Variants in XPR1 observed in about 807,000 individuals in gnomAD.
XPR1 encodes solute carrier family 53 member 1.
A neutral mutation model predicts 87.5 loss-of-function variants in XPR1; 28 were observed. The ratio of observed to expected loss-of-function variants is 0.32; its 90% CI spans 0.24 to 0.44. The LOEUF is 0.44. Among genes scored for constraint, XPR1 ranks in the 20% least tolerant of loss-of-function variants. The pLI is 1.00. For missense variants in XPR1, 559 were observed against 862.3 expected (o/e 0.65, Z 4.41); for synonymous variants, 300 against 306.1 (o/e 0.98, Z 0.21).
At position 180,659,665 on chromosome 1, in the gene XPR1, C is replaced by T. The variant is rs1378255477; in HGVS notation, c.70-22695C>T. Reference sequence around the variant, plus strand: ...TCCCGAGTAGCTGGGATTACAGGCACCTGCCACCATGCCTGGCTAATTTTT... The same window carrying T: ...TCCCGAGTAGCTGGGATTACAGGCATCTGCCACCATGCCTGGCTAATTTTT... On this transcript the variant is annotated intron_variant, in intron 1 of 14. Transcript: ENST00000367590. Among the ~76,000 whole-genome samples, 16 of 145,984 alleles carry T rather than the reference C, an allele frequency of 1.1e-4. 1 individual carries two copies. The Admixed American group carries it at 1.2e-3, about 10-fold the overall frequency.
intron 1 of XPR1, among the ~76,000 whole-genome samples, chr1:180,646,239 C>A (rs1655116072): frequency 6.6e-6 from 1 of 152,202 alleles, no homozygotes; most frequent in Non-Finnish European, 1.5e-5. Flanking sequence ...AAGGTCATGA[C>A]AAACGTCCTT....
At position 180,797,268 on chromosome 1, in the gene XPR1, A is replaced by G. The variant is rs1264210031; in HGVS notation, c.224-6120A>G. On this transcript the variant is annotated intron_variant, in intron 3 of 14. Coordinates refer to ENST00000367590, the MANE Select transcript of XPR1 (RefSeq NM_004736.4). ...AGTTCAGTCAGTCAGTGAAGCAAAC[A>G]TAAACAAAGAATTATATGCAGTGTG... 3.9e-5 allele frequency among the ~76,000 whole-genome samples: 6 copies of G among 152,360 alleles called. No homozygotes were observed. The East Asian group carries it at 9.6e-4, about 24-fold the overall frequency.
At chr1:180,726,934 G>T (rs1658373334) in intron 2 of XPR1, among the ~76,000 whole-genome samples, 1 of 151,612 alleles carries the variant, frequency 6.6e-6, no homozygotes, top group African/African-American at 2.4e-5. Context: ...GAGTGCAGTG[G>T]CGCGTTGTCG....
intron 2 of XPR1, among the ~76,000 whole-genome samples, chr1:180,736,387 C>T (rs1275789032): frequency 6.6e-6 from 1 of 152,132 alleles, no homozygotes; most frequent in African/African-American, 2.4e-5. Context: ...TTTGGAAGGT[C>T]AGCATTAGCA....
intron 3 of XPR1, among the ~76,000 whole-genome samples, chr1:180,793,654 G>A (rs1649466155): frequency 1.3e-5 from 2 of 152,038 alleles, no homozygotes; most frequent in African/African-American, 4.8e-5. Context: ...AAAGGAGCAG[G>A]GAGGGTAGTA....
rs1018751046 is a variant in XPR1 at position 180,834,782 on chromosome 1, A to G, written c.1135-92A>G. ...TTCTTTGGTTTCCATTTTATCAACT[A>G]AAGTAATCATGCTGAATGGTCAGAC... On this transcript the variant is annotated intron_variant, in intron 9 of 14. Coordinates refer to ENST00000367590, the MANE Select transcript of XPR1 (RefSeq NM_004736.4). 3 of 1,367,592 alleles carry G rather than the reference A, an allele frequency of 2.2e-6. No individual in the cohort carries two copies. In the African/African-American group the frequency reaches 4.4e-5, roughly 20 times the overall value. The allele number at this position is 1,367,592 out of a possible 1,614,324, so 84.7% of individuals were successfully genotyped here. A position where few individuals can be genotyped will look rare whatever the true frequency, so the allele number is the denominator to read the frequency against.
chr1:180,742,595 A>T (rs1377072616), intron 2 of XPR1, among the ~76,000 whole-genome samples: 1 of 152,086 alleles, frequency 6.6e-6, no homozygotes, highest in African/African-American at 2.4e-5. Flanking sequence ...AAGGATAAGT[A>T]TGTATATTCT....
intron 2 of XPR1, among the ~76,000 whole-genome samples, chr1:180,739,515 AG>A (rs1658849417): frequency 1.3e-5 from 2 of 152,188 alleles, no homozygotes; most frequent in Admixed American, 1.3e-4. Context: ...AGATCAATTT[AG>A]GGAGAATTGA....
At chr1:180,756,400 C>G (rs556048225) in intron 2 of XPR1, among the ~76,000 whole-genome samples, 38 of 152,260 alleles carry the variant, frequency 2.5e-4, no homozygotes, top group South Asian at 2.1e-3. Flanking sequence ...TGCTGTTGAG[C>G]ATATTTTCAT....
chr1:180,735,064 G>A (rs1022977199), intron 2 of XPR1, among the ~76,000 whole-genome samples: 3 of 152,182 alleles, frequency 2.0e-5, no homozygotes, highest in Admixed American at 2.0e-4. Context: ...AATTGGTCTT[G>A]AATATGTTTT....
intron 1 of XPR1, among the ~76,000 whole-genome samples, chr1:180,648,759 C>T (rs967811434): frequency 2.0e-5 from 3 of 152,126 alleles, no homozygotes; most frequent in African/African-American, 4.8e-5. Flanking sequence ...CCACCCAGCT[C>T]GGCCTCCCAA....
At chr1:180,634,481 C>A (rs2101889327) in intron 1 of XPR1, among the ~76,000 whole-genome samples, 1 of 152,242 alleles carries the variant, frequency 6.6e-6, no homozygotes, top group South Asian at 2.1e-4. Flanking sequence ...AAATAAGAGT[C>A]TTTAGAGTCC....
intron 2 of XPR1, among the ~76,000 whole-genome samples, chr1:180,734,437 T>C (rs1658661206): frequency 6.6e-6 from 1 of 152,110 alleles, no homozygotes; most frequent in Admixed American, 6.5e-5. Context: ...AAACAGGCAG[T>C]GGGTTAGGCA....
At chr1:180,766,386 A>C (rs1371711190) in intron 2 of XPR1, among the ~76,000 whole-genome samples, 1 of 152,212 alleles carries the variant, frequency 6.6e-6, no homozygotes, top group East Asian at 1.9e-4. Context: ...TTAAGGAAAG[A>C]AATGCTGAAT....
chr1:180,865,636 A>G (rs1297751257), intron 12 of XPR1, among the ~76,000 whole-genome samples: 1 of 152,074 alleles, frequency 6.6e-6, no homozygotes, highest in Non-Finnish European at 1.5e-5. Context: ...TCCTGACCTC[A>G]TGATCCGCCT....
chr1:180,677,998 C>T (rs1308856093), intron 1 of XPR1, among the ~76,000 whole-genome samples: 2 of 152,208 alleles, frequency 1.3e-5, no homozygotes, highest in African/African-American at 4.8e-5. Flanking sequence ...TCCCCACCTC[C>T]AGGTTTGATA....
chr1:180,825,659 A>G (rs756013233), intron 9 of XPR1, among the ~76,000 whole-genome samples: 1 of 152,206 alleles, frequency 6.6e-6, no homozygotes, highest in Non-Finnish European at 1.5e-5. Flanking sequence ...TTTTCCTGTT[A>G]AGTTGATGTG....
At chr1:180,789,894 C>G (rs1182908581) in intron 3 of XPR1, among the ~76,000 whole-genome samples, 2 of 152,156 alleles carry the variant, frequency 1.3e-5, no homozygotes, top group Admixed American at 1.3e-4. Flanking sequence ...AAATTGGAAC[C>G]ACTGTAAATT....
At chr1:180,766,115 C>T (rs1423908526) in intron 2 of XPR1, among the ~76,000 whole-genome samples, 1 of 151,994 alleles carries the variant, frequency 6.6e-6, no homozygotes, top group Non-Finnish European at 1.5e-5. Flanking sequence ...CTCCTGCCTC[C>T]CAATTTAGTA....
Sources: allele counts gnomAD v4.1 joint callset (sites outside exome capture counted in the v4.1 genomes callset), GRCh38; gene constraint gnomAD v4.1.1; transcripts MANE v1.5; gene names NCBI Gene and HGNC (gene_info 2026-07-23, HGNC 2026-07-21).